Variants in TENM3 observed in about 807,000 individuals in gnomAD.
TENM3 encodes teneurin transmembrane protein 3, also known as teneurin-3.
A neutral mutation model predicts 255.1 loss-of-function variants in TENM3; 63 were observed. The observed-to-expected ratio is 0.25, with a 90% CI of 0.20 to 0.30. The LOEUF (loss-of-function observed/expected upper bound fraction) is 0.30. TENM3 is among the 10% of genes least tolerant of loss of function. TENM3 has a pLI of 1.00. For missense variants in TENM3, 2,929 were observed against 3,461.1 expected (o/e 0.85, Z 3.86); for synonymous variants, 1,306 against 1,322.3 (o/e 0.99, Z 0.27).
At chr4:182,707,044 T>G (rs1264235725) in intron 12 of TENM3, among the ~76,000 whole-genome samples, 7 of 152,050 alleles carry the variant, frequency 4.6e-5, no homozygotes, top group Non-Finnish European at 1.0e-4. Context: ...ACCTCTCTAA[T>G]GGGGACGATT....
intron 22 of TENM3, among the ~76,000 whole-genome samples, chr4:182,771,500 G>GA (rs958609894): frequency 8.3e-6 from 1 of 119,974 alleles, no homozygotes; most frequent in Non-Finnish European, 1.9e-5. Context: ...CTCTGAAATG[G>GA]GGGGGGGGGA....
chr4:182,247,774 G>A (rs965488938), intron 1 of TENM3, among the ~76,000 whole-genome samples: 2 of 152,128 alleles, frequency 1.3e-5, no homozygotes, highest in Non-Finnish European at 2.9e-5. Flanking sequence ...TGTGATATGA[G>A]TAAAAGCAGA....
At chr4:181,603,532 G>T in the TENM3 span, among the ~76,000 whole-genome samples, 5 of 152,100 alleles carry the variant, frequency 3.3e-5, no homozygotes, top group Non-Finnish European at 5.9e-5. Context: ...AGTCCAAGGA[G>T]AAAAGCAAAT....
At chr4:182,647,024 A>T (rs1043442365) in intron 5 of TENM3, among the ~76,000 whole-genome samples, 4 of 152,166 alleles carry the variant, frequency 2.6e-5, no homozygotes, top group Non-Finnish European at 4.4e-5. Flanking sequence ...TTGCTTTTTC[A>T]TCTCTTCTAA....
chr4:182,146,779 A>C (rs756696917), intron 1 of TENM3, among the ~76,000 whole-genome samples: 1 of 152,154 alleles, frequency 6.6e-6, no homozygotes, highest in Non-Finnish European at 1.5e-5. Flanking sequence ...TTAGCAACCT[A>C]TGCACCCTAA....
At chr4:181,658,528 C>T in the TENM3 span, among the ~76,000 whole-genome samples, 1 of 152,150 alleles carries the variant, frequency 6.6e-6, no homozygotes, top group Admixed American at 6.5e-5. Context: ...CCACCTCCAC[C>T]ACAACTAATG....
chr4:181,572,197 G>A, the TENM3 span, among the ~76,000 whole-genome samples: 12 of 152,276 alleles, frequency 7.9e-5, no homozygotes, highest in Middle Eastern at 3.4e-3. Context: ...GAATGCTTGA[G>A]TAAAACTTTC....
At chr4:181,576,197 A>C in the TENM3 span, among the ~76,000 whole-genome samples, 10 of 152,346 alleles carry the variant, frequency 6.6e-5, no homozygotes, top group African/African-American at 1.9e-4. Flanking sequence ...AAGTGAGAAT[A>C]TGCAGTCTGT....
the TENM3 span, among the ~76,000 whole-genome samples, chr4:181,841,664 G>T: frequency 6.6e-6 from 1 of 152,002 alleles, no homozygotes; most frequent in Admixed American, 6.6e-5. Context: ...TGTTTGAAAT[G>T]GAGTTTAAAT....
intron 24 of TENM3, among the ~76,000 whole-genome samples, chr4:182,785,746 T>G (rs1765598201): frequency 7.4e-6 from 1 of 135,696 alleles, no homozygotes; most frequent in Non-Finnish European, 1.6e-5. Flanking sequence ...CACTGAAGCC[T>G]GGAATAATGC....
At chr4:182,473,170 T>G (rs1199722039) in intron 3 of TENM3, among the ~76,000 whole-genome samples, 2 of 152,222 alleles carry the variant, frequency 1.3e-5, no homozygotes, top group African/African-American at 2.4e-5. Flanking sequence ...TTGAAATTCC[T>G]TTATTGTTCA....
At chr4:182,170,079 T>C (rs1579586453) in intron 1 of TENM3, among the ~76,000 whole-genome samples, 2 of 151,230 alleles carry the variant, frequency 1.3e-5, no homozygotes, top group African/African-American at 4.9e-5. Flanking sequence ...TTGATCTTCA[T>C]TGGTTCCTTG....
In TENM3 at chr4:182,175,302, T is replaced by TAA. The variant is rs200201122; in HGVS notation, c.-76+30560_-76+30561dup. Among the ~76,000 whole-genome samples the TAA allele has an allele frequency of 7.8e-3, 944 of 120,534 alleles. 2 individuals carry two copies. The highest frequency in any genetic ancestry group is 0.012 in the South Asian group (41 of 3,476). 79.1% of individuals were successfully genotyped at this position (120,534 alleles called of 152,430 possible). A position where few individuals can be genotyped will look rare whatever the true frequency, so the allele number is the denominator to read the frequency against. ...ACCTCAGGCCTCTGCTCTGCTTCAT[T>TAA]AAAAAAAAAAAAATATATATATATA... On this transcript the variant is annotated intron_variant, in intron 1 of 2. Coordinates refer to the TENM3 transcript ENST00000512480.
the TENM3 span, among the ~76,000 whole-genome samples, chr4:181,570,794 G>A: frequency 0.092 from 13,999 of 152,096 alleles, 907 homozygotes; most frequent in African/African-American, 0.19. Context: ...GACACAATTC[G>A]ATCTGCAAGA....
At chr4:182,048,923 G>T in the TENM3 span, among the ~76,000 whole-genome samples, 24 of 152,168 alleles carry the variant, frequency 1.6e-4, no homozygotes, top group African/African-American at 5.8e-4. Flanking sequence ...TTTCATGCAA[G>T]AAGTTCAAAA....
chr4:182,519,260 T>A (rs1738314102), intron 3 of TENM3, among the ~76,000 whole-genome samples: 1 of 152,232 alleles, frequency 6.6e-6, no homozygotes, highest in Non-Finnish European at 1.5e-5. Context: ...TAAACTGCAT[T>A]ATTCAAATTA....
the TENM3 span, among the ~76,000 whole-genome samples, chr4:181,731,807 C>T: frequency 6.6e-6 from 1 of 152,146 alleles, no homozygotes; most frequent in East Asian, 1.9e-4. Context: ...CACCATGGTC[C>T]ACTGTACTAT....
intron 3 of TENM3, among the ~76,000 whole-genome samples, chr4:182,357,353 A>G (rs1196084526): frequency 1.3e-5 from 2 of 151,810 alleles, no homozygotes; most frequent in Non-Finnish European, 2.9e-5. Context: ...AAGTGTTCCT[A>G]TTTCTCCACA....
chr4:181,691,639 T>A, the TENM3 span, among the ~76,000 whole-genome samples: 1 of 152,138 alleles, frequency 6.6e-6, no homozygotes, highest in African/African-American at 2.4e-5. Context: ...TCAAAATTCT[T>A]GTAAGAAAAA....
Sources: gnomAD v4.1 joint callset for allele counts (sites outside exome capture counted in the v4.1 genomes callset) on GRCh38, gnomAD v4.1.1 for gene constraint, MANE v1.5 for transcripts, NCBI Gene and HGNC (gene_info 2026-07-23, HGNC 2026-07-21) for gene names.